The following PRKN variants were observed in gnomAD, a reference collection of about 807,000 sequenced individuals.
PRKN encodes the protein E3 ubiquitin-protein ligase parkin.
PRKN carries 56 observed loss-of-function variants against 59.5 expected under a neutral mutation model. That is an observed-to-expected ratio of 0.94 (90% CI 0.76 to 1.18). PRKN has a LOEUF of 1.18. Among genes scored for constraint, PRKN ranks in the 50% most tolerant of loss-of-function variants. The pLI, the probability that PRKN is intolerant of heterozygous loss-of-function variation, is 0.00. For missense variants in PRKN, 657 were observed against 596.4 expected (o/e 1.10, Z -1.06); for synonymous variants, 250 against 222.1 (o/e 1.13, Z -1.12).
At chr6:161,366,030 C>T (rs960939647) in intron 10 of PRKN, among the ~76,000 whole-genome samples, 3 of 152,274 alleles carry the variant, frequency 2.0e-5, no homozygotes, top group Middle Eastern at 3.4e-3. Context: ...ACTTCTTCCC[C>T]GGATCGATAT....
intron 7 of PRKN, among the ~76,000 whole-genome samples, chr6:161,594,429 G>A (rs1353227862): frequency 1.3e-5 from 2 of 152,218 alleles, no homozygotes; most frequent in Non-Finnish European, 2.9e-5. Flanking sequence ...CAAAGAAAAT[G>A]ATGGCTTTCA....
chr6:161,873,637 A>G (rs1038196402), intron 6 of PRKN, among the ~76,000 whole-genome samples: 11 of 151,758 alleles, frequency 7.2e-5, no homozygotes, highest in African/African-American at 2.7e-4. Flanking sequence ...AACAACAACA[A>G]CAACAAAACA....
At chr6:161,653,880 CAGCCTTCAGGGAAACATGTCACAGG>C (rs1304622734) in intron 7 of PRKN, among the ~76,000 whole-genome samples, 2 of 152,186 alleles carry the variant, frequency 1.3e-5, no homozygotes, top group Non-Finnish European at 2.9e-5. Flanking sequence ...ACTGGCCGGC[CAGCCTTCAGGGAAACATGTCACAGG>C]AGCACGCTGG....
chr6:161,472,713 GCTT>G (rs1790855330), intron 9 of PRKN, among the ~76,000 whole-genome samples: 1 of 152,160 alleles, frequency 6.6e-6, no homozygotes, highest in African/African-American at 2.4e-5. Context: ...TCAAAAGGCA[GCTT>G]ACAGATTGGA....
At chr6:162,431,062 C>T (rs999606088) in intron 2 of PRKN, among the ~76,000 whole-genome samples, 10 of 151,670 alleles carry the variant, frequency 6.6e-5, no homozygotes, top group African/African-American at 2.4e-4. Flanking sequence ...ATGTTGGTCC[C>T]TTAAAAAAAA....
intron 5 of PRKN, among the ~76,000 whole-genome samples, chr6:161,978,017 TATTTTATTTTATTG>T (rs1283207580): frequency 1.5e-4 from 19 of 126,894 alleles, no homozygotes; most frequent in African/African-American, 6.0e-4. Context: ...TATTTTATTG[TATTTTATTTTATTG>T]TATTTTATTT....
At chr6:161,731,240 C>T (rs1787698424) in intron 7 of PRKN, among the ~76,000 whole-genome samples, 1 of 152,240 alleles carries the variant, frequency 6.6e-6, no homozygotes, top group African/African-American at 2.4e-5. Flanking sequence ...AAGGCACAAA[C>T]AATGGACCCA....
chr6:162,598,853 CAAAAA>C (rs35219327), intron 1 of PRKN, among the ~76,000 whole-genome samples: 1 of 106,900 alleles, frequency 9.4e-6, no homozygotes, highest in Non-Finnish European at 1.9e-5. Flanking sequence ...ATTCTGTCAC[CAAAAA>C]AAAAAAAAAA....
chr6:162,435,807 T>C (rs1482424176), intron 2 of PRKN, among the ~76,000 whole-genome samples: 1 of 152,116 alleles, frequency 6.6e-6, no homozygotes, highest in Non-Finnish European at 1.5e-5. Flanking sequence ...TACACAGAAA[T>C]AAATCACTGC....
intron 4 of PRKN, among the ~76,000 whole-genome samples, chr6:162,152,505 A>C (rs1348760152): frequency 1.3e-5 from 2 of 152,210 alleles, no homozygotes; most frequent in East Asian, 3.9e-4. Context: ...AAAATGATTG[A>C]AATGACCAAG....
At chr6:162,050,523 T>A (rs1777589645) in intron 5 of PRKN, among the ~76,000 whole-genome samples, 1 of 151,892 alleles carries the variant, frequency 6.6e-6, no homozygotes, top group Non-Finnish European at 1.5e-5. Flanking sequence ...GTTCTATCCC[T>A]TGAATGGTTA....
chr6:162,031,647 T>C (rs1190498141), intron 5 of PRKN, among the ~76,000 whole-genome samples: 1 of 151,952 alleles, frequency 6.6e-6, no homozygotes, highest in Admixed American at 6.6e-5. Flanking sequence ...GCGATTCTTC[T>C]TGCCTCCTGA....
Position 161,576,903 on chromosome 6 carries a change from C to A in PRKN, c.872-7487G>T, listed in dbSNP as rs997102856. On this transcript the variant is annotated intron_variant, in intron 7 of 11. Transcript: ENST00000366898. The surrounding 1 kb of genome is among the most constrained non-coding windows in gnomAD (Gnocchi z 4.6). Reference sequence around the variant, plus strand: ...ATAAAGTTGAGAAAAAAGTTGCAATCGTTTATGCACAATGCAATGTCATTT... The same window carrying A: ...ATAAAGTTGAGAAAAAAGTTGCAATAGTTTATGCACAATGCAATGTCATTT... 6.6e-6 allele frequency among the ~76,000 whole-genome samples: 1 copy of A among 152,228 alleles called. No homozygotes were observed. The highest frequency in any genetic ancestry group is 1.9e-4 in the East Asian group (1 of 5,182).
chr6:161,907,121 C>A (rs538746895), intron 6 of PRKN, among the ~76,000 whole-genome samples: 5 of 152,232 alleles, frequency 3.3e-5, no homozygotes, highest in Admixed American at 3.3e-4. Context: ...CCAGATATTC[C>A]TCTGAGATGT....
At chr6:161,984,958 A>C (rs958937213) in intron 5 of PRKN, among the ~76,000 whole-genome samples, 1 of 152,040 alleles carries the variant, frequency 6.6e-6, no homozygotes, top group African/African-American at 2.4e-5. Context: ...ATCTCAGGGG[A>C]AACTGGATCG....
chr6:162,553,283 G>A (rs1427952005), intron 1 of PRKN, among the ~76,000 whole-genome samples: 1 of 152,082 alleles, frequency 6.6e-6, no homozygotes, highest in Non-Finnish European at 1.5e-5. Flanking sequence ...CTCAAGAAAT[G>A]GAAGACAAGA....
intron 7 of PRKN, among the ~76,000 whole-genome samples, chr6:161,637,857 A>G (rs1020672540): frequency 8.5e-5 from 13 of 152,176 alleles, no homozygotes; most frequent in Non-Finnish European, 1.5e-4. Context: ...GCGTGCTCCC[A>G]GAGGGGAGGT....
chr6:162,686,926 G>A (rs1777580160), intron 1 of PRKN, among the ~76,000 whole-genome samples: 1 of 152,158 alleles, frequency 6.6e-6, no homozygotes, highest in Non-Finnish European at 1.5e-5. Context: ...TAGTCTTACA[G>A]TATAGTTCGA....
At chr6:162,515,808 G>A (rs1018524581) in intron 1 of PRKN, among the ~76,000 whole-genome samples, 1 of 152,004 alleles carries the variant, frequency 6.6e-6, no homozygotes, top group African/African-American at 2.4e-5. Context: ...TGACCCTAGG[G>A]GATAAAGAAG....
Sources: gnomAD v4.1 joint callset for allele counts (sites outside exome capture counted in the v4.1 genomes callset) on GRCh38, gnomAD v4.1.1 for gene constraint, Gnocchi (gnomAD v3.1) non-coding constraint, MANE v1.5 for transcripts, NCBI Gene and HGNC (gene_info 2026-07-23, HGNC 2026-07-21) for gene names.